The following MAP4 variants were observed in gnomAD, a reference collection of about 807,000 sequenced individuals.
MAP4 encodes microtubule associated protein 4.
A neutral mutation model predicts 170.2 loss-of-function variants in MAP4; 76 were observed. That is an observed-to-expected ratio of 0.45 (90% CI 0.37 to 0.54). The LOEUF (loss-of-function observed/expected upper bound fraction) is 0.54. MAP4 is among the 20% of genes least tolerant of loss of function. The pLI is 0.00. For synonymous variants in MAP4, 909 were observed against 994.5 expected, an observed-to-expected ratio of 0.91 and a Z score of 1.62; for missense variants, 2,506 against 2,748.0, an observed-to-expected ratio of 0.91 and a Z score of 1.97.
chr3:47,939,919 C>T (rs1012775761), intron 3 of MAP4, among the ~76,000 whole-genome samples: 1 of 152,014 alleles, frequency 6.6e-6, no homozygotes, highest in African/African-American at 2.4e-5. Flanking sequence ...TCTCCACTCA[C>T]TGCAACCTCC....
At chr3:47,975,462 G>C (rs1321942583) in intron 3 of MAP4, 1 of 1,568,012 alleles carries the variant, frequency 6.4e-7, no homozygotes, top group Non-Finnish European at 8.7e-7. Context: ...GACACGCTAG[G>C]CTTCTAGGAG....
At position 48,040,923 on chromosome 3, in the gene MAP4, AC is replaced by A. The variant is rs139603883; in HGVS notation, c.-19-42045del. Among the ~76,000 whole-genome samples the A allele has an allele frequency of 4.0e-3, 611 of 151,708 alleles. 6 individuals are homozygous for A. The highest frequency in any genetic ancestry group is 0.014 in the African/African-American group (592 of 41,320). ...CCGTTGTTAGCCAGGCTGGTCTTGA[AC>A]CCCTGACCTCAGGTATCTGCAAGCC... On this transcript the variant is annotated intron_variant, in intron 1 of 18. Transcript: ENST00000360240.
chr3:48,029,461 AT>A (rs368273781), intron 1 of MAP4, among the ~76,000 whole-genome samples: 2 of 152,146 alleles, frequency 1.3e-5, no homozygotes. Flanking sequence ...GTAAATGCAT[AT>A]TTTTTTAAGT....
intron 1 of MAP4, among the ~76,000 whole-genome samples, chr3:48,047,095 AAAATAAATAAAT>A (rs373688704): frequency 1.1e-3 from 159 of 142,836 alleles, no homozygotes; most frequent in African/African-American, 3.5e-3. Context: ...CTCCGTCTCA[AAAATAAATAAAT>A]AAATAAATAA....
At chr3:47,943,569 C>T (rs2100057848) in intron 3 of MAP4, among the ~76,000 whole-genome samples, 5 of 149,536 alleles carry the variant, frequency 3.3e-5, no homozygotes, top group Admixed American at 6.6e-5. Context: ...AGATCCCGTA[C>T]TGCATTCCAG....
intron 3 of MAP4, among the ~76,000 whole-genome samples, chr3:47,971,208 G>A (rs866964051): frequency 6.6e-6 from 1 of 152,208 alleles, no homozygotes. Context: ...GGAATTTGGT[G>A]GAGTTCGGAT....
intron 17 of MAP4, among the ~76,000 whole-genome samples, chr3:47,863,898 C>CTGTG (rs138565127): frequency 7.6e-6 from 1 of 131,158 alleles, no homozygotes; most frequent in African/African-American, 3.2e-5. Flanking sequence ...TGCGTTATTT[C>CTGTG]TGTGTGTGTG....
At chr3:47,880,214 C>T (rs4858869) in intron 10 of MAP4, among the ~76,000 whole-genome samples, 7,752 of 151,484 alleles carry the variant, frequency 0.051, 379 homozygotes, top group East Asian at 0.14. Context: ...CTGCCTCAGC[C>T]TCCCAAGTAG....
chr3:47,935,888 G>A lies in MAP4; in HGVS notation c.293-7538C>T, dbSNP rs376765577. ...CGGGAGGCAGAGGCTGCAGTGAGCCGAGATCACACAACTGCACTCCAGCTG... is the reference window on the plus strand; with the variant it reads ...CGGGAGGCAGAGGCTGCAGTGAGCCAAGATCACACAACTGCACTCCAGCTG... On this transcript the variant is annotated intron_variant, in intron 3 of 20. Transcript: ENST00000683076. Among the ~76,000 whole-genome samples, 28 of 140,038 alleles carry A rather than the reference G, an allele frequency of 2.0e-4. No homozygotes were observed. In the South Asian group the frequency reaches 5.4e-3, roughly 27 times the overall value. 91.9% of individuals were successfully genotyped at this position (140,038 alleles called of 152,430 possible).
chr3:48,044,989 T>C (rs2100123666), intron 1 of MAP4, among the ~76,000 whole-genome samples: 1 of 149,974 alleles, frequency 6.7e-6, no homozygotes, highest in Non-Finnish European at 1.5e-5. Flanking sequence ...AGGCACAGTG[T>C]CTCACACCTG....
chr3:47,861,778 G>C (rs1275300248), intron 17 of MAP4, among the ~76,000 whole-genome samples: 1 of 152,056 alleles, frequency 6.6e-6, no homozygotes, highest in Admixed American at 6.5e-5. Context: ...AGAATTGATT[G>C]AGCCCAGAAG....
intron 1 of MAP4, among the ~76,000 whole-genome samples, chr3:48,052,365 C>A (rs1028393523): frequency 2.6e-5 from 4 of 152,200 alleles, no homozygotes; most frequent in South Asian, 4.1e-4. Flanking sequence ...GGATTATAGG[C>A]GTGCACTATC....
chr3:47,970,655 C>T (rs2100078117), intron 3 of MAP4, among the ~76,000 whole-genome samples: 1 of 150,768 alleles, frequency 6.6e-6, no homozygotes, highest in South Asian at 2.1e-4. Flanking sequence ...ACTAAAAATA[C>T]AAAAAATTAG....
intron 1 of MAP4, among the ~76,000 whole-genome samples, chr3:48,076,572 A>G (rs2100144021): frequency 6.6e-6 from 1 of 151,428 alleles, no homozygotes; most frequent in Non-Finnish European, 1.5e-5. Context: ...CTACCTACTC[A>G]GGAGACTGAG....
chr3:48,005,560 T>C (rs2100101855), intron 1 of MAP4, among the ~76,000 whole-genome samples: 1 of 152,198 alleles, frequency 6.6e-6, no homozygotes, highest in South Asian at 2.1e-4. Flanking sequence ...TCTAATAGTT[T>C]ATTTGCTTGG....
intron 1 of MAP4, among the ~76,000 whole-genome samples, chr3:48,065,408 T>C (rs1418199834): frequency 1.3e-5 from 2 of 152,224 alleles, no homozygotes; most frequent in African/African-American, 2.4e-5. Flanking sequence ...GTGATTTGTA[T>C]GCACACTAAA....
At chr3:47,896,069 T>C (rs1476429060) in intron 10 of MAP4, among the ~76,000 whole-genome samples, 1 of 152,118 alleles carries the variant, frequency 6.6e-6, no homozygotes, top group Non-Finnish European at 1.5e-5. Flanking sequence ...CAAGACATCA[T>C]GTCAGCCAGG....
chr3:47,869,863 T>C (rs899686447), intron 15 of MAP4, among the ~76,000 whole-genome samples: 10 of 152,060 alleles, frequency 6.6e-5, no homozygotes, highest in East Asian at 1.9e-4. Context: ...GACGGGGAGA[T>C]AGGCCATCAG....
intron 1 of MAP4, among the ~76,000 whole-genome samples, chr3:48,083,515 G>A (rs887211143): frequency 2.6e-5 from 4 of 151,616 alleles, no homozygotes; most frequent in South Asian, 2.1e-4. Flanking sequence ...ACAGGCGCCC[G>A]CCACCAGGCC....
Sources: gnomAD v4.1 joint callset for allele counts (sites outside exome capture counted in the v4.1 genomes callset) on GRCh38, gnomAD v4.1.1 for gene constraint, MANE v1.5 for transcripts, NCBI Gene and HGNC (gene_info 2026-07-23, HGNC 2026-07-21) for gene names.